The following CAMSAP3 variants were observed in gnomAD, a reference collection of about 807,000 sequenced individuals.
CAMSAP3 encodes the protein calmodulin-regulated spectrin-associated protein 3.
A neutral mutation model predicts 112.5 loss-of-function variants in CAMSAP3; 34 were observed. That is an observed-to-expected ratio of 0.30 (90% CI 0.23 to 0.40). The LOEUF is 0.40. CAMSAP3 is among the 10% of genes least tolerant of loss of function. The pLI, the probability that CAMSAP3 is intolerant of heterozygous loss-of-function variation, is 1.00. For missense variants in CAMSAP3, 1,602 were observed against 1,770.3 expected, an observed-to-expected ratio of 0.90 and a Z score of 1.71; for synonymous variants, 868 against 799.8, an observed-to-expected ratio of 1.09 and a Z score of -1.44.
In CAMSAP3 at chr19:7,605,466, A is replaced by G; in HGVS notation, c.389A>G (p.Gln130Arg). The G allele has an allele frequency of 1.2e-5, 17 of 1,456,996 alleles. No individual in the cohort carries two copies. Among genetic ancestry groups the G allele is most frequent in the Non-Finnish European group, 1.5e-5 (17 of 1,102,996 alleles). The allele number at this position is 1,456,996 out of a possible 1,614,324, so 90.3% of individuals were successfully genotyped here. Reference sequence around the variant, plus strand: ...GTGCGCGAGGCCGACCTGAGGCACCAGCCCATTCTCATGGTAGGCCCCGCC... The same window carrying G: ...GTGCGCGAGGCCGACCTGAGGCACCGGCCCATTCTCATGGTAGGCCCCGCC... ...RPVREADLRH[Q>R]PILMGAHLAV... is the part of the protein sequence containing the mutation. Residue 130 changes from glutamine (Q) to arginine (R), a missense_variant, in exon 2 of 17, where the codon CAG (glutamine) becomes CGG (arginine). Physicochemically the swap from Gln to Arg is conservative, Grantham distance 43 (BLOSUM62 1). Transcript: ENST00000160298.
In CAMSAP3 at chr19:7,611,208, C is replaced by T; in HGVS notation, c.1123+40C>T. On this transcript the variant is annotated intron_variant, in intron 9 of 16. Transcript: ENST00000160298. The surrounding 1 kb of genome is among the most constrained non-coding windows in gnomAD (Gnocchi z 6.9). The stretch of plus-strand genomic sequence containing the variant: ...GGTGGCTTCTGTCACGGGGGACCCC[C>T]CCACTCACAGACTGCCCCAGTGGGC... 1 of 1,597,268 alleles carries T rather than the reference C, an allele frequency of 6.3e-7. No homozygotes were observed. The highest frequency in any genetic ancestry group is 8.6e-7 in the Non-Finnish European group (1 of 1,166,310).
intron 1 of CAMSAP3, among the ~76,000 whole-genome samples, chr19:7,597,601 C>T (rs192671666): frequency 2.6e-4 from 39 of 152,164 alleles, no homozygotes; most frequent in South Asian, 4.2e-4. Flanking sequence ...TGATGGAGAC[C>T]CCCCGTTACC....
In CAMSAP3 at chr19:7,595,899, G is replaced by A; in HGVS notation, c.-104G>A. 2 of 495,032 alleles carry A rather than the reference G, an allele frequency of 4.0e-6. No individual in the cohort carries two copies. The highest frequency in any genetic ancestry group is 2.6e-6 in the Non-Finnish European group (1 of 383,904). The allele number at this position is 495,032 out of a possible 1,614,324, so 30.7% of individuals were successfully genotyped here. A position where few individuals can be genotyped will look rare whatever the true frequency, so the allele number is the denominator to read the frequency against. The stretch of plus-strand genomic sequence containing the variant: ...AGCAGCGGCGGCGGCGGCGGCGGCG[G>A]CAGCGGCGGTAGCAGCAGCGGGCCC... On this transcript the variant is annotated 5_prime_UTR_variant, in exon 1 of 17. Coordinates refer to ENST00000160298, the MANE Select transcript of CAMSAP3 (RefSeq NM_020902.2).
Position 7,615,535 on chromosome 19 carries a change from C to A in CAMSAP3, c.2928C>A (p.Asp976Glu). The A allele has an allele frequency of 6.5e-7, 1 of 1,533,410 alleles. No homozygotes were observed. Among genetic ancestry groups the A allele is most frequent in the Non-Finnish European group, 8.8e-7 (1 of 1,142,392 alleles). The allele number at this position is 1,533,410 out of a possible 1,614,324, so 95.0% of individuals were successfully genotyped here. A position where few individuals can be genotyped will look rare whatever the true frequency, so the allele number is the denominator to read the frequency against. The change falls in exon 13 of 17, where the codon GAC becomes GAA. Residue 976 changes from aspartate to glutamate, a missense_variant. Around this residue, in one of 6 missense-constraint regions of CAMSAP3, gnomAD observed 1,100 missense variants for 1,135.7 expected, o/e 0.97. Coordinates refer to ENST00000160298, the MANE Select transcript of CAMSAP3 (RefSeq NM_020902.2). This position sits in a 1 kb window ranked among gnomAD's most constrained non-coding sequence, Gnocchi z 6.5. ...AEEEVGPRKG[D>E]FTRQEYERRA... is the part of the protein sequence containing the mutation. ...AGGAGGTGGGCCCCCGGAAGGGGGACTTCACGCGGCAGGAGTACGAGCGCC... is the reference window on the plus strand; with the variant it reads ...AGGAGGTGGGCCCCCGGAAGGGGGAATTCACGCGGCAGGAGTACGAGCGCC...
Position 7,605,390 on chromosome 19 carries a change from C to G in CAMSAP3, c.313C>G (p.Leu105Val). 1 of 1,544,080 alleles carries G rather than the reference C, an allele frequency of 6.5e-7. No homozygotes were observed. The highest frequency in any genetic ancestry group is 8.8e-7 in the Non-Finnish European group (1 of 1,140,550). ...AACACCCCCCAACCCCTCTGCACTGCTGGCCCTGCTGGCGCGGAGGGGCAC... is the reference window on the plus strand; with the variant it reads ...AACACCCCCCAACCCCTCTGCACTGGTGGCCCTGCTGGCGCGGAGGGGCAC... The part of the protein sequence containing the change: ...LETPPNPSAL[L>V]ALLARRGTVP... The change falls in exon 2 of 17, where the codon CTG (leucine) becomes GTG (valine). Residue 105 changes from leucine (L) to valine (V), a missense_variant. Coordinates refer to ENST00000160298, the MANE Select transcript of CAMSAP3 (RefSeq NM_020902.2).
intron 5 of CAMSAP3, among the ~76,000 whole-genome samples, chr19:7,609,408 A>G (rs2161491): frequency 0.25 from 38,240 of 151,038 alleles, 5,294 homozygotes; most frequent in African/African-American, 0.34. Context: ...ACATCCTCCC[A>G]CCTCAGCCTC....
chr19:7,618,145 C>T lies in CAMSAP3; in HGVS notation c.*88C>T, dbSNP rs542652084. On this transcript the variant is annotated 3_prime_UTR_variant, in exon 17 of 17. Transcript: ENST00000160298. ...GTCAGTCGGTATTCCTGGGTCCTGT[C>T]TGTCCCCAACCGTGTCTGGGTGGGG... 264 of 1,426,454 alleles carry T rather than the reference C, an allele frequency of 1.9e-4. 1 individual carries two copies. Among genetic ancestry groups the T allele is most frequent in the Admixed American group, 9.8e-4 (49 of 49,750 alleles). The allele number at this position is 1,426,454 out of a possible 1,614,324, so 88.4% of individuals were successfully genotyped here.
In CAMSAP3 at chr19:7,612,782, C is replaced by A; in HGVS notation, c.2289C>A (p.Val763=). ...KAASPSPARR[V]PATRRSPGPG... ...CATCCCCCAGCCCCGCCCGGCGAGT[C>A]CCGGCCACCCGGCGCAGCCCTGGGC... is the stretch of plus-strand genomic sequence containing the variant. The change falls in exon 11 of 17, where the codon GTC becomes GTA. Residue 763 remains valine (V), a synonymous_variant. Coordinates refer to ENST00000160298, the MANE Select transcript of CAMSAP3 (RefSeq NM_020902.2). The A allele has an allele frequency of 6.5e-7, 1 of 1,532,976 alleles. No homozygotes were observed. The highest frequency in any genetic ancestry group is 2.5e-5 in the East Asian group (1 of 40,330). The allele number at this position is 1,532,976 out of a possible 1,614,324, so 95.0% of individuals were successfully genotyped here.
intron 4 of CAMSAP3, chr19:7,606,887 C>A: frequency 6.6e-7 from 1 of 1,510,668 alleles, no homozygotes; most frequent in Non-Finnish European, 9.2e-7. Context: ...TTTCTGCCTG[C>A]CTGTCTGCGC....
At position 7,607,744 on chromosome 19, in the gene CAMSAP3, T is replaced by TC. The variant is rs1429635215; in HGVS notation, c.622-375dup. 10 of 552,222 alleles carry TC rather than the reference T, an allele frequency of 1.8e-5. No individual in the cohort carries two copies. The highest frequency in any genetic ancestry group is 6.4e-5 in the Admixed American group (2 of 31,252). The allele number at this position is 552,222 out of a possible 1,614,324, so 34.2% of individuals were successfully genotyped here. On this transcript the variant is annotated intron_variant, in intron 4 of 16. Transcript: ENST00000160298. This position sits in a 1 kb window ranked among gnomAD's most constrained non-coding sequence, Gnocchi z 4.9. ...CAGGACCAGGGTCAGGGCTACCCCC[T>TC]CCCCCCCAAGGTGGGCTTGGGGGCC... is the stretch of plus-strand genomic sequence containing the variant.
intron 5 of CAMSAP3, among the ~76,000 whole-genome samples, chr19:7,609,358 T>C (rs925724220): frequency 6.6e-6 from 1 of 151,254 alleles, no homozygotes; most frequent in Non-Finnish European, 1.5e-5. Context: ...GATGGGGTCT[T>C]GCTATGTTGC....
rs935922697 is a variant in CAMSAP3 at position 7,615,667 on chromosome 19, G to A, written c.3060G>A (p.Ser1020=). The A allele has an allele frequency of 3.5e-6, 5 of 1,427,438 alleles. No homozygotes were observed. Among genetic ancestry groups the A allele is most frequent in the Middle Eastern group, 2.1e-4 (1 of 4,820 alleles). 88.4% of individuals were successfully genotyped at this position (1,427,438 alleles called of 1,614,324 possible). ...RGGRRATRPR[S]GCCDDSALAR... is the part of the protein sequence containing the mutation. The stretch of plus-strand genomic sequence containing the variant: ...GGCGGAGGGCCACCCGGCCTCGCTC[G>A]GGTTGCTGTGACGACTCAGCCCTGG... Residue 1020 remains serine (S), a synonymous_variant, in exon 13 of 17, where the codon TCG becomes TCA. Coordinates refer to ENST00000160298, the MANE Select transcript of CAMSAP3 (RefSeq NM_020902.2). The surrounding 1 kb of genome is among the most constrained non-coding windows in gnomAD (Gnocchi z 6.5).
chr19:7,598,976 G>A (rs868136877), intron 1 of CAMSAP3, among the ~76,000 whole-genome samples: 21 of 151,964 alleles, frequency 1.4e-4, no homozygotes, highest in South Asian at 8.3e-4. Flanking sequence ...AATAAGTGTC[G>A]TAAGGATTAA....
chr19:7,606,705 T>C (rs2030245886), intron 4 of CAMSAP3, 134 bp downstream of exon 4: 1 of 1,604,150 alleles, frequency 6.2e-7, no homozygotes, highest in Non-Finnish European at 8.5e-7. Context: ...CCCCCCTCTC[T>C]CAATCTCTCT....
chr19:7,606,383 G>A lies in CAMSAP3; in HGVS notation c.515G>A (p.Trp172Ter). The change falls in exon 3 of 17, where the codon TGG (tryptophan) becomes TAG (stop). Residue 172 changes from tryptophan (W) to a stop codon, truncating the protein, a stop_gained. Coordinates refer to ENST00000160298, the MANE Select transcript of CAMSAP3 (RefSeq NM_020902.2). LOFTEE classifies it high-confidence loss of function. ...LTSLEHKLLF[W>*]VDTTVRRLQE... is the part of the protein sequence containing the mutation. The stretch of plus-strand genomic sequence containing the variant: ...AGCTTGGAGCACAAGCTGCTTTTCT[G>A]GGTGGACACGGTAGGTGGGGTTGGG... 1 of 1,613,768 alleles carries A rather than the reference G, an allele frequency of 6.2e-7. No individual in the cohort carries two copies. Among genetic ancestry groups the A allele is most frequent in the Non-Finnish European group, 8.5e-7 (1 of 1,180,002 alleles).
In CAMSAP3 at chr19:7,617,232, C is replaced by G; in HGVS notation, c.3213-94C>G. On this transcript the variant is annotated intron_variant, in intron 14 of 16. Transcript: ENST00000160298. The surrounding 1 kb of genome is among the most constrained non-coding windows in gnomAD (Gnocchi z 7.5). ...ATGCCCAGCCGTGGCCCTTATTTTCCTTGGCCCCTCTGCACATAGGGAAGC... is the reference window on the plus strand; with the variant it reads ...ATGCCCAGCCGTGGCCCTTATTTTCGTTGGCCCCTCTGCACATAGGGAAGC... 1.1e-6 allele frequency: 1 copy of G among 899,392 alleles called. No individual in the cohort carries two copies. The highest frequency in any genetic ancestry group is 1.4e-5 in the South Asian group (1 of 73,474). The allele number at this position is 899,392 out of a possible 1,614,324, so 55.7% of individuals were successfully genotyped here.
Position 7,612,479 on chromosome 19 carries a change from T to C in CAMSAP3, c.1986T>C (p.Pro662=). 1.9e-6 allele frequency: 3 copies of C among 1,563,166 alleles called. No individual in the cohort carries two copies. Among genetic ancestry groups the C allele is most frequent in the South Asian group, 1.2e-5 (1 of 85,770 alleles). Residue 662 remains proline (P), a synonymous_variant, in exon 11 of 17, where the codon CCT becomes CCC. Transcript: ENST00000160298. ...AGGAGGCCGATTCCGGTCCAGTCCC[T>C]GGTGGGGAGCGGCCCGCAGGCGAGG... ...EAEEADSGPV[P]GGERPAGEGQ...
chr19:7,596,992 CA>C (rs1341649595), intron 1 of CAMSAP3, among the ~76,000 whole-genome samples: 1 of 152,180 alleles, frequency 6.6e-6, no homozygotes, highest in Non-Finnish European at 1.5e-5. Flanking sequence ...GCCCTGGAAA[CA>C]CTCAGTCTCG....
intron 1 of CAMSAP3, 79 bp from the exon 2 acceptor site, chr19:7,605,147 G>GGGGTGTGTGTGTGTGTGTGTGT (rs142949309): frequency 4.8e-6 from 3 of 624,572 alleles, no homozygotes; most frequent in Non-Finnish European, 7.7e-6. Context: ...CGGGCCATGT[G>GGGGTGTGTGTGTGTGTGTGTGT]GTGTGTGTGT....
Sources: gnomAD v4.1 joint callset for allele counts (sites outside exome capture counted in the v4.1 genomes callset) on GRCh38, gnomAD v4.1.1 for gene constraint, gnomAD v4.1.1 regional missense constraint, Gnocchi (gnomAD v3.1) non-coding constraint, MANE v1.5 for transcripts, NCBI Gene and HGNC (gene_info 2026-07-23, HGNC 2026-07-21) for gene names.